CLVS1: variants seen among roughly 807,000 people sequenced by gnomAD.
CLVS1 encodes the protein clavesin 1.
Under a neutral mutation model 33.1 loss-of-function variants are expected in CLVS1, and 10 were observed. That is an observed-to-expected ratio of 0.30 (90% CI 0.19 to 0.51). The LOEUF is 0.51. Among genes scored for constraint, CLVS1 ranks in the 20% least tolerant of loss-of-function variants. CLVS1 has a pLI of 0.97. For missense variants in CLVS1, 343 were observed against 433.4 expected, an observed-to-expected ratio of 0.79 and a Z score of 1.85; for synonymous variants, 163 against 166.1, an observed-to-expected ratio of 0.98 and a Z score of 0.14.
At chr8:61,012,619 G>A in the CLVS1 span, among the ~76,000 whole-genome samples, 4 of 152,174 alleles carry the variant, frequency 2.6e-5, no homozygotes, top group East Asian at 7.7e-4. Flanking sequence ...GGGTGGAATG[G>A]GGAGGGCCAA....
At chr8:61,194,775 C>A (rs1357631125) in intron 2 of CLVS1, among the ~76,000 whole-genome samples, 1 of 151,680 alleles carries the variant, frequency 6.6e-6, no homozygotes, top group Non-Finnish European at 1.5e-5. Flanking sequence ...AATTTATAAT[C>A]TTTTGAGGCT....
the CLVS1 span, among the ~76,000 whole-genome samples, chr8:61,006,283 T>C: frequency 6.6e-6 from 1 of 152,186 alleles, no homozygotes; most frequent in East Asian, 1.9e-4. Context: ...AAAGGTATTG[T>C]CTGCTTGGTG....
intron 1 of CLVS1, among the ~76,000 whole-genome samples, chr8:61,104,942 C>T (rs1178186893): frequency 6.6e-6 from 1 of 152,184 alleles, no homozygotes; most frequent in East Asian, 1.9e-4. Context: ...AATTCTCCTG[C>T]CTCAGCCTCC....
intron 2 of CLVS1, among the ~76,000 whole-genome samples, chr8:61,345,911 A>T (rs890201366): frequency 2.0e-5 from 3 of 152,068 alleles, no homozygotes; most frequent in Non-Finnish European, 2.9e-5. Context: ...TTGTGGGGAC[A>T]GATATTTCAG....
At chr8:61,158,140 CA>C in intron 2 of CLVS1, among the ~76,000 whole-genome samples, 1 of 152,116 alleles carries the variant, frequency 6.6e-6, no homozygotes, top group East Asian at 1.9e-4. Flanking sequence ...TAAAAAGGAA[CA>C]AACTATTGAT....
At chr8:61,052,924 T>C (rs922855137), upstream of CLVS1, among the ~76,000 whole-genome samples, 29 of 152,178 alleles carry the variant, frequency 1.9e-4, no homozygotes, top group African/African-American at 6.8e-4. Flanking sequence ...GATGAGACAT[T>C]ACACGACTTG....
At chr8:61,305,800 A>T (rs1183035436) in intron 2 of CLVS1, among the ~76,000 whole-genome samples, 1 of 152,018 alleles carries the variant, frequency 6.6e-6, no homozygotes, top group Non-Finnish European at 1.5e-5. Context: ...TGAGTGAGGA[A>T]ATGTGGTATT....
intron 2 of CLVS1, chr8:61,202,408 G>C (rs960109089): frequency 2.6e-6 from 2 of 764,318 alleles, no homozygotes; most frequent in African/African-American, 3.4e-5. Flanking sequence ...CTATCTTTTT[G>C]GTTGTGAACT....
intron 2 of CLVS1, among the ~76,000 whole-genome samples, chr8:61,375,116 A>C (rs1388797340): frequency 2.0e-5 from 3 of 152,078 alleles, no homozygotes; most frequent in Non-Finnish European, 4.4e-5. Context: ...TCATGTTGCT[A>C]ATCTACCACC....
chr8:61,183,599 A>G (rs549578930), intron 2 of CLVS1, among the ~76,000 whole-genome samples: 219 of 152,288 alleles, frequency 1.4e-3, no homozygotes, highest in Non-Finnish European at 2.7e-3. Flanking sequence ...CCTACCTGAT[A>G]GAGAAAGGTT....
intron 2 of CLVS1, among the ~76,000 whole-genome samples, chr8:61,303,761 G>C (rs567556389): frequency 6.6e-6 from 1 of 152,200 alleles, no homozygotes; most frequent in African/African-American, 2.4e-5. Flanking sequence ...TTGGGAATGA[G>C]AGTGATGTCT....
At chr8:61,459,371 G>T (rs1360686863) in intron 5 of CLVS1, among the ~76,000 whole-genome samples, 24 of 152,062 alleles carry the variant, frequency 1.6e-4, no homozygotes, top group Admixed American at 1.6e-3. Context: ...TTTTCCATAA[G>T]TTATTGGGGT....
At chr8:61,040,874 C>A in the CLVS1 span, among the ~76,000 whole-genome samples, 30,162 of 151,908 alleles carry the variant, frequency 0.2, 4,014 homozygotes, top group African/African-American at 0.38. Context: ...GTTGCAATTG[C>A]TCTTGAGGAC....
the CLVS1 span, among the ~76,000 whole-genome samples, chr8:61,030,898 G>A: frequency 6.6e-6 from 1 of 152,190 alleles, no homozygotes; most frequent in African/African-American, 2.4e-5. Context: ...AGCTGAGTTT[G>A]TAAATTTGGA....
intron 5 of CLVS1, among the ~76,000 whole-genome samples, chr8:61,481,826 G>A (rs1468263829): frequency 2.0e-5 from 3 of 152,248 alleles, no homozygotes; most frequent in Non-Finnish European, 4.4e-5. Flanking sequence ...AAATGTCCCT[G>A]TCTGACAGCT....
At chr8:61,228,473 A>C (rs1808373663) in intron 2 of CLVS1, among the ~76,000 whole-genome samples, 1 of 152,240 alleles carries the variant, frequency 6.6e-6, no homozygotes, top group African/African-American at 2.4e-5. Flanking sequence ...CAAACATCAT[A>C]GCTTAGCCTA....
intron 2 of CLVS1, among the ~76,000 whole-genome samples, chr8:61,309,887 G>A (rs1397953107): frequency 6.6e-6 from 1 of 152,200 alleles, no homozygotes; most frequent in Non-Finnish European, 1.5e-5. Context: ...CACTGATTGA[G>A]GTTTGCCTTT....
At chr8:61,094,859 C>CGATGT (rs1805319303) in intron 1 of CLVS1, among the ~76,000 whole-genome samples, 1 of 152,202 alleles carries the variant, frequency 6.6e-6, no homozygotes, top group Non-Finnish European at 1.5e-5. Flanking sequence ...CTTACCCACC[C>CGATGT]GATCAGTGGT....
chr8:61,089,940 A>AAAAAAATCTCCCAGGAAGCAGGTTCCATG (rs1805202716), intron 1 of CLVS1, among the ~76,000 whole-genome samples: 1 of 152,042 alleles, frequency 6.6e-6, no homozygotes, highest in East Asian at 1.9e-4. Context: ...TTTATTGTTA[A>AAAAAAATCTCCCAGGAAGCAGGTTCCATG]AAAAAATCTC....
Sources: gnomAD v4.1 joint callset for allele counts (sites outside exome capture counted in the v4.1 genomes callset) on GRCh38, gnomAD v4.1.1 for gene constraint, MANE v1.5 for transcripts, NCBI Gene and HGNC (gene_info 2026-07-23, HGNC 2026-07-21) for gene names.